The following PHF24 variants were observed in gnomAD, a reference collection of about 807,000 sequenced individuals.
The protein encoded by PHF24 is Galpha inhibitory interacting protein.
Under a neutral mutation model 42.6 loss-of-function variants are expected in PHF24, and 25 were observed. The ratio of observed to expected loss-of-function variants is 0.59; its 90% CI spans 0.43 to 0.82. The LOEUF (loss-of-function observed/expected upper bound fraction) is 0.82. PHF24 is among the 40% of genes least tolerant of loss of function. The pLI is 0.00. For missense variants in PHF24, 470 were observed against 538.1 expected (o/e 0.87, Z 1.25); for synonymous variants, 185 against 204.8 (o/e 0.90, Z 0.83).
the PHF24 span, among the ~76,000 whole-genome samples, chr9:34,742,651 A>C: frequency 1.3e-5 from 2 of 152,052 alleles, no homozygotes; most frequent in African/African-American, 4.8e-5. Flanking sequence ...GCTGGTCTCA[A>C]GCTCCCTGAC....
chr9:34,798,452 G>A, the PHF24 span, among the ~76,000 whole-genome samples: 8 of 152,172 alleles, frequency 5.3e-5, no homozygotes, highest in Non-Finnish European at 1.0e-4. Flanking sequence ...ACTTACAAGT[G>A]AGAACATATA....
chr9:34,843,443 A>G, the PHF24 span, among the ~76,000 whole-genome samples: 1 of 152,184 alleles, frequency 6.6e-6, no homozygotes, highest in African/African-American at 2.4e-5. Flanking sequence ...ATTCTGTTCC[A>G]TTGATCTATT....
the PHF24 span, among the ~76,000 whole-genome samples, chr9:34,707,022 G>A: frequency 6.6e-6 from 1 of 152,062 alleles, no homozygotes; most frequent in African/African-American, 2.4e-5. Flanking sequence ...TTGGGGAAGA[G>A]GTTATGCCCT....
chr9:34,699,042 TC>T, the PHF24 span, among the ~76,000 whole-genome samples: 1 of 152,340 alleles, frequency 6.6e-6, no homozygotes, highest in East Asian at 1.9e-4. Flanking sequence ...TTATAGTTCA[TC>T]CAGTGACAAC....
chr9:34,702,090 G>A, the PHF24 span, among the ~76,000 whole-genome samples: 1 of 152,130 alleles, frequency 6.6e-6, no homozygotes, highest in Non-Finnish European at 1.5e-5. Context: ...GAGGATGAAG[G>A]GCTATAGCCT....
At chr9:34,688,433 C>G in the PHF24 span, among the ~76,000 whole-genome samples, 1 of 152,180 alleles carries the variant, frequency 6.6e-6, no homozygotes, top group Non-Finnish European at 1.5e-5. Flanking sequence ...CTCTCATCTC[C>G]CAGAGCTGAG....
chr9:34,755,025 A>G, the PHF24 span, among the ~76,000 whole-genome samples: 1 of 152,146 alleles, frequency 6.6e-6, no homozygotes, highest in Non-Finnish European at 1.5e-5. Context: ...TCATGGAGAG[A>G]GAGAGAGTAG....
the PHF24 span, among the ~76,000 whole-genome samples, chr9:34,803,262 G>T: frequency 1.3e-5 from 2 of 152,034 alleles, no homozygotes; most frequent in African/African-American, 4.8e-5. Flanking sequence ...AAACACACTA[G>T]GGAAAATTAA....
At chr9:34,822,381 T>C in the PHF24 span, among the ~76,000 whole-genome samples, 1 of 152,214 alleles carries the variant, frequency 6.6e-6, no homozygotes, top group Non-Finnish European at 1.5e-5. Context: ...ATTTCACCTT[T>C]GTCTTTTTAA....
At chr9:34,733,453 A>G in the PHF24 span, among the ~76,000 whole-genome samples, 41 of 149,812 alleles carry the variant, frequency 2.7e-4, no homozygotes, top group African/African-American at 1.0e-3. Context: ...AAATTTTTGG[A>G]TTTTATGTAG....
the PHF24 span, among the ~76,000 whole-genome samples, chr9:34,826,429 G>T: frequency 6.6e-6 from 1 of 152,182 alleles, no homozygotes; most frequent in Admixed American, 6.5e-5. Context: ...ATTCGGCCCT[G>T]GTTGTCTGGT....
At chr9:34,673,403 T>C in the PHF24 span, among the ~76,000 whole-genome samples, 1 of 152,002 alleles carries the variant, frequency 6.6e-6, no homozygotes, top group Non-Finnish European at 1.5e-5. Flanking sequence ...GATAACAACA[T>C]TTCAACCCCT....
chr9:34,888,245 T>TA, the PHF24 span, among the ~76,000 whole-genome samples: 1 of 152,224 alleles, frequency 6.6e-6, no homozygotes, highest in Non-Finnish European at 1.5e-5. Context: ...ACTTTCATCT[T>TA]ATTGCTTCTA....
the PHF24 span, among the ~76,000 whole-genome samples, chr9:34,874,094 G>A: frequency 6.6e-6 from 1 of 152,012 alleles, no homozygotes; most frequent in African/African-American, 2.4e-5. Flanking sequence ...GGAGATTTTG[G>A]GCTGAGACAA....
the PHF24 span, among the ~76,000 whole-genome samples, chr9:34,760,549 T>C: frequency 6.6e-6 from 1 of 151,918 alleles, no homozygotes; most frequent in Admixed American, 6.6e-5. Context: ...AGCCCCAGAG[T>C]AGTGTCAGGC....
the PHF24 span, among the ~76,000 whole-genome samples, chr9:34,901,188 T>C: frequency 6.6e-6 from 1 of 152,348 alleles, no homozygotes; most frequent in South Asian, 2.1e-4. Context: ...ATAATACCAA[T>C]TCTACATAAA....
At chr9:34,779,047 A>G in the PHF24 span, among the ~76,000 whole-genome samples, 2 of 152,184 alleles carry the variant, frequency 1.3e-5, no homozygotes, top group Non-Finnish European at 2.9e-5. Flanking sequence ...GGGAAATTAC[A>G]AAATACTTTG....
At chr9:34,807,370 G>C in the PHF24 span, among the ~76,000 whole-genome samples, 2 of 152,198 alleles carry the variant, frequency 1.3e-5, no homozygotes, top group Admixed American at 1.3e-4. Context: ...GCTAGTGGCA[G>C]TGTGAGTAAA....
At chr9:34,690,860 G>T in the PHF24 span, among the ~76,000 whole-genome samples, 1 of 152,184 alleles carries the variant, frequency 6.6e-6, no homozygotes, top group Non-Finnish European at 1.5e-5. Context: ...ACAGCCATAG[G>T]CCCCAGGATG....
Sources: gnomAD v4.1 joint callset for allele counts (sites outside exome capture counted in the v4.1 genomes callset) on GRCh38, gnomAD v4.1.1 for gene constraint, MANE v1.5 for transcripts, NCBI Gene and HGNC (gene_info 2026-07-23, HGNC 2026-07-21) for gene names.